The following MALRD1 variants were observed in gnomAD, a reference collection of about 807,000 sequenced individuals.
MALRD1 encodes the protein MAM and LDL receptor class A domain containing 1.
A neutral mutation model predicts 242.1 loss-of-function variants in MALRD1; 247 were observed. The observed-to-expected ratio is 1.02, with a 90% confidence interval of 0.92 to 1.13. The LOEUF is 1.13. MALRD1 is among the 50% of genes most tolerant of loss of function. MALRD1 has a pLI of 0.00. For synonymous variants in MALRD1, 995 were observed against 866.6 expected (o/e 1.15, Z -2.60); for missense variants, 2,989 against 2,533.1 (o/e 1.18, Z -3.86).
At chr10:19,329,032 G>A (rs1395428069) in intron 23 of MALRD1, among the ~76,000 whole-genome samples, 4 of 152,114 alleles carry the variant, frequency 2.6e-5, no homozygotes, top group African/African-American at 7.2e-5. Flanking sequence ...ATATTAAGGG[G>A]AATTTCAGCA....
At chr10:19,303,901 C>T (rs1452862476) in intron 21 of MALRD1, among the ~76,000 whole-genome samples, 1 of 151,494 alleles carries the variant, frequency 6.6e-6, no homozygotes, top group Non-Finnish European at 1.5e-5. Context: ...CTTAAAAGTC[C>T]AGTACCAAAA....
chr10:19,139,537 A>G (rs1833468340), intron 10 of MALRD1, among the ~76,000 whole-genome samples: 1 of 152,212 alleles, frequency 6.6e-6, no homozygotes, highest in Non-Finnish European at 1.5e-5. Flanking sequence ...AGAATGAGTA[A>G]ATATGAACTC....
rs1842489377 is a variant in MALRD1 at position 19,684,335 on chromosome 10, A to G, written c.6138-7947A>G. Among the ~76,000 whole-genome samples the G allele has an allele frequency of 2.0e-5, 3 of 152,228 alleles. No homozygotes were observed. The South Asian group carries it at 6.2e-4, about 32-fold the overall frequency. ...CGAGAAAGCATTTAGAATCTTGTCT[A>G]GCACATAACAAGTGCTCAATAAATA... On this transcript the variant is annotated intron_variant, in intron 36 of 39. Coordinates refer to ENST00000454679, the MANE Select transcript of MALRD1 (RefSeq NM_001142308.3).
intron 29 of MALRD1, among the ~76,000 whole-genome samples, chr10:19,457,735 A>T (rs980657880): frequency 6.7e-6 from 1 of 149,560 alleles, no homozygotes; most frequent in Non-Finnish European, 1.5e-5. Context: ...GTTTGGCATT[A>T]TCTAGTTTGC....
At chr10:19,219,744 C>T (rs962720017) in intron 18 of MALRD1, among the ~76,000 whole-genome samples, 1 of 152,264 alleles carries the variant, frequency 6.6e-6, no homozygotes, top group South Asian at 2.1e-4. Context: ...TTCTAAAAGA[C>T]ATTTTCTAAC....
At chr10:19,404,931 C>T (rs1258315461) in intron 28 of MALRD1, among the ~76,000 whole-genome samples, 8 of 152,126 alleles carry the variant, frequency 5.3e-5, no homozygotes, top group Admixed American at 5.2e-4. Flanking sequence ...AGCAAATGTA[C>T]TAGTTGCTTT....
At position 19,530,414 on chromosome 10, in the gene MALRD1, TA is replaced by T. The variant is rs1460398476; in HGVS notation, c.5321-778del. Among the ~76,000 whole-genome samples the T allele has an allele frequency of 4.3e-5, 2 of 46,800 alleles. 1 individual carries two copies. Among genetic ancestry groups the T allele is most frequent in the South Asian group, 9.0e-4 (2 of 2,230 alleles). 30.7% of individuals were successfully genotyped at this position (46,800 alleles called of 152,430 possible). A position where few individuals can be genotyped will look rare whatever the true frequency, so the allele number is the denominator to read the frequency against. ...TTTATATAAATATTATATATTTATA[TA>T]ATAATAAATATATAATATATATAAT... On this transcript the variant is annotated intron_variant, in intron 31 of 39. Transcript: ENST00000454679.
chr10:19,088,221 G>C, intron 4 of MALRD1, 36 bp downstream of exon 4: 1 of 1,230,070 alleles, frequency 8.1e-7, no homozygotes, highest in Non-Finnish European at 1.0e-6. Context: ...TGGCCTTGAA[G>C]AAAAATAAGA....
chr10:19,661,393 C>T (rs930601961), intron 36 of MALRD1, among the ~76,000 whole-genome samples: 7 of 152,056 alleles, frequency 4.6e-5, no homozygotes, highest in African/African-American at 9.7e-5. Context: ...CCCAAATGTC[C>T]AACAATGATA....
At chr10:19,373,067 C>T (rs1055651901) in intron 26 of MALRD1, among the ~76,000 whole-genome samples, 5 of 151,426 alleles carry the variant, frequency 3.3e-5, no homozygotes, top group Admixed American at 6.6e-5. Flanking sequence ...GAAAAGTCTG[C>T]GAAAGTGTGA....
At chr10:19,668,252 G>A (rs1483952307) in intron 36 of MALRD1, among the ~76,000 whole-genome samples, 1 of 152,096 alleles carries the variant, frequency 6.6e-6, no homozygotes, top group East Asian at 1.9e-4. Context: ...GTCACTCTTA[G>A]ATCTTCCCCA....
chr10:19,355,890 A>G (rs1050462629), intron 26 of MALRD1, among the ~76,000 whole-genome samples: 1 of 123,764 alleles, frequency 8.1e-6, no homozygotes, highest in Non-Finnish European at 1.8e-5. Flanking sequence ...AAGCATATAT[A>G]TATGTTGAAT....
chr10:19,049,248 C>G (rs1834415152), intron 1 of MALRD1, 111 bp downstream of exon 1: 1 of 701,896 alleles, frequency 1.4e-6, no homozygotes. Flanking sequence ...TGCATTGTAT[C>G]TTGTATACCT....
intron 38 of MALRD1, chr10:19,722,381 G>A (rs553172981): frequency 1.3e-5 from 2 of 152,198 alleles, no homozygotes; most frequent in South Asian, 4.2e-4. Context: ...CTTGAGGCTA[G>A]AAGTTCAAGA....
At chr10:19,156,931 A>C (rs1043248944) in intron 12 of MALRD1, among the ~76,000 whole-genome samples, 15 of 152,180 alleles carry the variant, frequency 9.9e-5, no homozygotes, top group African/African-American at 3.6e-4. Flanking sequence ...AGTTTATCTC[A>C]AAACCAAGGC....
intron 36 of MALRD1, among the ~76,000 whole-genome samples, chr10:19,678,052 TGCTGTTTTG>T (rs1030627304): frequency 3.4e-4 from 51 of 152,204 alleles, no homozygotes; most frequent in Non-Finnish European, 5.0e-4. Flanking sequence ...ACTAGTACCA[TGCTGTTTTG>T]GTTACTGTAG....
At chr10:19,545,600 C>A (rs1835175027) in intron 32 of MALRD1, among the ~76,000 whole-genome samples, 1 of 152,008 alleles carries the variant, frequency 6.6e-6, no homozygotes. Flanking sequence ...ACCTACTTTT[C>A]CCCGTATGTG....
intron 1 of MALRD1, among the ~76,000 whole-genome samples, chr10:19,051,249 T>C (rs1445004001): frequency 6.6e-6 from 1 of 152,042 alleles, no homozygotes; most frequent in Non-Finnish European, 1.5e-5. Flanking sequence ...ATAGATTAGA[T>C]TTTTTTAAAA....
At chr10:19,435,274 G>A (rs1397714817) in intron 28 of MALRD1, among the ~76,000 whole-genome samples, 1 of 151,962 alleles carries the variant, frequency 6.6e-6, no homozygotes, top group African/African-American at 2.4e-5. Flanking sequence ...GGGAGTTCCT[G>A]TATACCTCAC....
Sources: gnomAD v4.1 joint callset for allele counts (sites outside exome capture counted in the v4.1 genomes callset) on GRCh38, gnomAD v4.1.1 for gene constraint, MANE v1.5 for transcripts, NCBI Gene and HGNC (gene_info 2026-07-23, HGNC 2026-07-21) for gene names.